The following NTNG1 variants were observed in gnomAD, a reference collection of about 807,000 sequenced individuals.
NTNG1 encodes the protein netrin-G1.
In NTNG1, 16 loss-of-function variants were observed where a neutral mutation model predicts 54.0. The ratio of observed to expected loss-of-function variants is 0.30; its 90% CI spans 0.20 to 0.45. The LOEUF (loss-of-function observed/expected upper bound fraction) is 0.45. NTNG1 is among the 20% of genes least tolerant of loss of function. The pLI, the probability that NTNG1 is intolerant of heterozygous loss-of-function variation, is 1.00. For missense variants in NTNG1, 530 were observed against 678.7 expected (o/e 0.78, Z 2.43); for synonymous variants, 255 against 263.1 (o/e 0.97, Z 0.30).
At chr1:107,195,603 A>G (rs932189258) in intron 2 of NTNG1, among the ~76,000 whole-genome samples, 25 of 151,992 alleles carry the variant, frequency 1.6e-4, no homozygotes, top group African/African-American at 5.5e-4. Context: ...CTAAACACAC[A>G]CACAGGCAGA....
chr1:107,311,367 T>A (rs1667002918), intron 2 of NTNG1, among the ~76,000 whole-genome samples: 1 of 152,062 alleles, frequency 6.6e-6, no homozygotes, highest in Non-Finnish European at 1.5e-5. Context: ...GAGAAATACT[T>A]CTTTGACTGA....
chr1:107,229,927 A>G (rs1466055725), intron 2 of NTNG1, among the ~76,000 whole-genome samples: 2 of 152,000 alleles, frequency 1.3e-5, no homozygotes, highest in African/African-American at 4.8e-5. Flanking sequence ...CTGCTTTGTA[A>G]TCTCATGGGA....
chr1:107,397,353 T>C (rs1457855617), intron 4 of NTNG1, among the ~76,000 whole-genome samples: 2 of 152,210 alleles, frequency 1.3e-5, no homozygotes, highest in East Asian at 1.9e-4. Flanking sequence ...AGTCTTGCAA[T>C]GGGAATAACC....
chr1:107,204,201 G>A (rs1205195579), intron 2 of NTNG1, among the ~76,000 whole-genome samples: 2 of 151,906 alleles, frequency 1.3e-5, no homozygotes, highest in Non-Finnish European at 2.9e-5. Context: ...ACAACTTTTA[G>A]CATTAAATTT....
intron 7 of NTNG1, among the ~76,000 whole-genome samples, chr1:107,440,359 A>T (rs557116671): frequency 1.3e-5 from 2 of 152,106 alleles, no homozygotes; most frequent in Non-Finnish European, 2.9e-5. Context: ...CTTTGAGTAG[A>T]CTCTGGATTC....
At chr1:107,365,089 G>C (rs1210526750) in intron 3 of NTNG1, among the ~76,000 whole-genome samples, 1 of 152,152 alleles carries the variant, frequency 6.6e-6, no homozygotes, top group Non-Finnish European at 1.5e-5. Context: ...GATGTGGCTA[G>C]TTAGAAAATT....
intron 2 of NTNG1, among the ~76,000 whole-genome samples, chr1:107,197,975 CA>C (rs1658463446): frequency 6.6e-6 from 1 of 151,942 alleles, no homozygotes; most frequent in African/African-American, 2.4e-5. Context: ...TGATAATGCA[CA>C]TTTTTTTCCT....
At chr1:107,345,954 T>C (rs1194092705) in intron 3 of NTNG1, among the ~76,000 whole-genome samples, 1 of 152,102 alleles carries the variant, frequency 6.6e-6, no homozygotes, top group African/African-American at 2.4e-5. Flanking sequence ...TGAGAAGGGA[T>C]TTCCTTCAGG....
intron 5 of NTNG1, among the ~76,000 whole-genome samples, chr1:107,428,106 G>T (rs536244155): frequency 6.6e-6 from 1 of 152,148 alleles, no homozygotes; most frequent in Non-Finnish European, 1.5e-5. Context: ...ACCCACAAAG[G>T]AACCATAGTA....
intron 2 of NTNG1, among the ~76,000 whole-genome samples, chr1:107,305,450 C>G (rs1220011890): frequency 6.6e-6 from 1 of 152,160 alleles, no homozygotes; most frequent in Middle Eastern, 3.2e-3. Flanking sequence ...GAGATGTTAT[C>G]TAATTGGGGT....
intron 2 of NTNG1, among the ~76,000 whole-genome samples, chr1:107,178,512 C>T (rs1570773253): frequency 2.0e-5 from 3 of 151,836 alleles, no homozygotes; most frequent in South Asian, 4.2e-4. Flanking sequence ...CATAGTTTCC[C>T]GTGTCTTTCT....
At chr1:107,309,500 G>A (rs1348074491) in intron 2 of NTNG1, among the ~76,000 whole-genome samples, 1 of 152,098 alleles carries the variant, frequency 6.6e-6, no homozygotes, top group Non-Finnish European at 1.5e-5. Context: ...ACATTCACTT[G>A]TTTGCTCATC....
intron 3 of NTNG1, among the ~76,000 whole-genome samples, chr1:107,376,216 C>T (rs145788463): frequency 3.3e-5 from 5 of 151,150 alleles, no homozygotes; most frequent in Non-Finnish European, 7.4e-5. Context: ...GTCAGGAGAT[C>T]GAGACCACAG....
chr1:107,375,658 C>A (rs904109421), intron 3 of NTNG1, among the ~76,000 whole-genome samples: 3 of 151,976 alleles, frequency 2.0e-5, no homozygotes, highest in African/African-American at 7.3e-5. Flanking sequence ...TGATTCTGAC[C>A]CAAAAAGGGA....
intron 3 of NTNG1, among the ~76,000 whole-genome samples, chr1:107,357,473 T>A (rs1557929348): frequency 6.6e-6 from 1 of 152,206 alleles, no homozygotes; most frequent in East Asian, 1.9e-4. Flanking sequence ...ATATGAGAGC[T>A]CAGCTTTTAA....
intron 3 of NTNG1, among the ~76,000 whole-genome samples, chr1:107,354,089 C>A (rs1386686149): frequency 6.6e-6 from 1 of 152,174 alleles, no homozygotes; most frequent in African/African-American, 2.4e-5. Context: ...CAAACCATGT[C>A]AATGACCCTG....
intron 2 of NTNG1, among the ~76,000 whole-genome samples, chr1:107,264,735 C>A (rs1490836942): frequency 6.6e-6 from 1 of 152,052 alleles, no homozygotes; most frequent in African/African-American, 2.4e-5. Context: ...ATTTCTTTTC[C>A]ATTTAGCCTG....
chr1:107,386,451 G>A (rs1672006980), intron 3 of NTNG1, among the ~76,000 whole-genome samples: 1 of 152,134 alleles, frequency 6.6e-6, no homozygotes, highest in South Asian at 2.1e-4. Context: ...TGGGATTACA[G>A]GCGTGTGCCA....
chr1:107,372,437 A>G (rs1670976428), intron 3 of NTNG1, among the ~76,000 whole-genome samples: 1 of 152,012 alleles, frequency 6.6e-6, no homozygotes, highest in South Asian at 2.1e-4. Context: ...TGGTTTATTT[A>G]GATGTATATA....
Sources: allele counts gnomAD v4.1 joint callset (sites outside exome capture counted in the v4.1 genomes callset), GRCh38; gene constraint gnomAD v4.1.1; transcripts MANE v1.5; gene names NCBI Gene and HGNC (gene_info 2026-07-23, HGNC 2026-07-21).